The following PDE4B variants were observed in gnomAD, a reference collection of about 807,000 sequenced individuals.
PDE4B encodes phosphodiesterase 4B.
PDE4B carries 20 observed loss-of-function variants against 82.2 expected under a neutral mutation model. The ratio of observed to expected loss-of-function variants is 0.24; its 90% CI spans 0.17 to 0.35. The LOEUF (loss-of-function observed/expected upper bound fraction) is 0.35. Ranked by LOEUF, PDE4B falls within the 10% of genes least tolerant of loss-of-function variation. The pLI, the probability that PDE4B is intolerant of heterozygous loss-of-function variation, is 1.00. For synonymous variants in PDE4B, 320 were observed against 318.9 expected, an observed-to-expected ratio of 1.00 and a Z score of -0.04; for missense variants, 655 against 907.2, an observed-to-expected ratio of 0.72 and a Z score of 3.57.
intron 1 of PDE4B, among the ~76,000 whole-genome samples, chr1:65,906,482 T>C (rs1647029364): frequency 6.6e-6 from 1 of 152,174 alleles, no homozygotes; most frequent in Non-Finnish European, 1.5e-5. Context: ...TGCCTCTTTA[T>C]GGTATTTTAA....
chr1:65,911,847 A>G (rs2100454534), intron 1 of PDE4B, among the ~76,000 whole-genome samples: 1 of 152,262 alleles, frequency 6.6e-6, no homozygotes, highest in African/African-American at 2.4e-5. Context: ...TTTCACTGCC[A>G]ACTCCTGCAT....
chr1:66,181,132 G>C (rs958546889), intron 3 of PDE4B, among the ~76,000 whole-genome samples: 1 of 152,146 alleles, frequency 6.6e-6, no homozygotes. Context: ...AGAAAGTTTA[G>C]GGCTTGCTCA....
intron 6 of PDE4B, among the ~76,000 whole-genome samples, chr1:66,258,214 T>C (rs1654399790): frequency 6.6e-6 from 1 of 152,238 alleles, no homozygotes; most frequent in African/African-American, 2.4e-5. Context: ...GAATAAGTTA[T>C]TAATGAATTC....
intron 3 of PDE4B, among the ~76,000 whole-genome samples, chr1:66,090,914 C>T (rs546054615): frequency 3.7e-4 from 56 of 151,838 alleles, no homozygotes; most frequent in Admixed American, 6.6e-4. Flanking sequence ...ATTACAAGTG[C>T]GTTTTCTTTA....
At chr1:66,050,664 T>A (rs1391939769) in intron 3 of PDE4B, 1 of 152,136 alleles carries the variant, frequency 6.6e-6, no homozygotes, top group Non-Finnish European at 1.5e-5. Context: ...AGAAAACATG[T>A]AACGTTGATT....
intron 3 of PDE4B, among the ~76,000 whole-genome samples, chr1:66,072,538 C>T (rs1370502724): frequency 6.6e-6 from 1 of 152,134 alleles, no homozygotes; most frequent in Non-Finnish European, 1.5e-5. Flanking sequence ...CTCCAGACTA[C>T]TAACAAGCTG....
At chr1:66,190,293 G>A (rs961647971) in intron 3 of PDE4B, among the ~76,000 whole-genome samples, 1 of 152,224 alleles carries the variant, frequency 6.6e-6, no homozygotes, top group African/African-American at 2.4e-5. Flanking sequence ...GGACCCACTT[G>A]AGGAGGCAGT....
chr1:65,982,969 A>T (rs1185431825), intron 3 of PDE4B, among the ~76,000 whole-genome samples: 3 of 152,156 alleles, frequency 2.0e-5, no homozygotes, highest in Admixed American at 2.0e-4. Flanking sequence ...TTCAGAGGGC[A>T]GGTCTGGCCA....
intron 3 of PDE4B, among the ~76,000 whole-genome samples, chr1:66,164,190 T>C (rs565441158): frequency 6.6e-6 from 1 of 152,194 alleles, no homozygotes; most frequent in East Asian, 1.9e-4. Context: ...ATGTGTGTTC[T>C]TTTTTCCCCA....
chr1:65,880,929 A>G lies in PDE4B; in HGVS notation c.-70-32316A>G, dbSNP rs145429436. 2.0e-5 allele frequency among the ~76,000 whole-genome samples: 3 copies of G among 152,052 alleles called. No individual in the cohort carries two copies. The East Asian group carries it at 5.8e-4, about 29-fold the overall frequency. On this transcript the variant is annotated intron_variant, in intron 1 of 16. Transcript: ENST00000341517. ...CTAGGCCACAGTGTTTGCAGAGCCT[A>G]TTTTCCTTTAATTACTGTGAGATAA...
chr1:65,839,346 T>C (rs1047186631), intron 1 of PDE4B, among the ~76,000 whole-genome samples: 3 of 152,090 alleles, frequency 2.0e-5, no homozygotes, highest in Non-Finnish European at 2.9e-5. Context: ...GGTATACATG[T>C]GCCATGGTGG....
intron 1 of PDE4B, among the ~76,000 whole-genome samples, chr1:65,810,311 C>T (rs1223492692): frequency 6.6e-6 from 1 of 152,214 alleles, no homozygotes; most frequent in East Asian, 1.9e-4. Flanking sequence ...ATTGAGCACT[C>T]ACCATGTGCC....
chr1:66,166,920 A>G (rs1195793942), intron 3 of PDE4B, among the ~76,000 whole-genome samples: 1 of 152,218 alleles, frequency 6.6e-6, no homozygotes, highest in African/African-American at 2.4e-5. Flanking sequence ...CAAAGAAGAA[A>G]CACAAATGGA....
intron 1 of PDE4B, among the ~76,000 whole-genome samples, chr1:65,900,023 C>T (rs1027868214): frequency 2.7e-4 from 41 of 151,674 alleles, no homozygotes; most frequent in African/African-American, 8.7e-4. Context: ...CCCCCAATAA[C>T]GTATGGAAAT....
intron 8 of PDE4B, among the ~76,000 whole-genome samples, chr1:66,335,227 T>A (rs1660428770): frequency 6.6e-6 from 1 of 152,250 alleles, no homozygotes; most frequent in South Asian, 2.1e-4. Context: ...ATCAGTGGTA[T>A]CCACTACATT....
intron 3 of PDE4B, among the ~76,000 whole-genome samples, chr1:66,131,309 C>T (rs899016470): frequency 5.9e-5 from 9 of 151,780 alleles, no homozygotes; most frequent in Non-Finnish European, 1.0e-4. Context: ...GCTAATAAGT[C>T]AATTCCACTA....
chr1:65,853,559 C>T (rs1329371558), intron 1 of PDE4B, among the ~76,000 whole-genome samples: 2 of 148,788 alleles, frequency 1.3e-5, no homozygotes, highest in Non-Finnish European at 3.0e-5. Flanking sequence ...GAGACGGAGT[C>T]TCACTCTGTC....
chr1:66,262,181 G>C lies in PDE4B; in HGVS notation c.585-3857G>C, dbSNP rs116639827. ...TGTCTTTTATTGCTGTATGTACTTT[G>C]GCATGTGAATTAAATTAACTGAGGA... On this transcript the variant is annotated intron_variant, in intron 6 of 16. Transcript: ENST00000341517. Among the ~76,000 whole-genome samples, 794 of 152,204 alleles carry C rather than the reference G, an allele frequency of 5.2e-3. 6 individuals are homozygous for C. The highest frequency in any genetic ancestry group is 0.018 in the African/African-American group (758 of 41,530).
chr1:66,204,816 C>G (rs543987840), intron 3 of PDE4B, among the ~76,000 whole-genome samples: 7 of 152,204 alleles, frequency 4.6e-5, no homozygotes, highest in African/African-American at 1.7e-4. Flanking sequence ...AATGCCTTGC[C>G]CTGCTTCAGC....
Sources: allele counts gnomAD v4.1 joint callset (sites outside exome capture counted in the v4.1 genomes callset), GRCh38; gene constraint gnomAD v4.1.1; transcripts MANE v1.5; gene names NCBI Gene and HGNC (gene_info 2026-07-23, HGNC 2026-07-21).